Variants in ODF2L observed in about 807,000 individuals in gnomAD.
The protein encoded by ODF2L is protein BCAP.
In ODF2L, 76 loss-of-function variants were observed where a neutral mutation model predicts 86.3. That is an observed-to-expected ratio of 0.88 (90% CI 0.73 to 1.07). The LOEUF (loss-of-function observed/expected upper bound fraction) is 1.07, where lower values mean the gene tolerates loss of function less well. Ranked by LOEUF, ODF2L falls within the 50% of genes least tolerant of loss-of-function variation. The pLI is 0.00. For missense variants in ODF2L, 748 were observed against 717.4 expected (o/e 1.04, Z -0.49); for synonymous variants, 241 against 231.3 (o/e 1.04, Z -0.38).
intron 16 of ODF2L, 42 bp from the exon 16 acceptor site, chr1:86,353,026 A>G (rs1275280852): frequency 2.3e-6 from 3 of 1,291,646 alleles, no homozygotes; most frequent in East Asian, 4.7e-5. Flanking sequence ...TGCTTTCTTT[A>G]AAATATGATT....
chr1:86,387,586 T>C (rs900788042), intron 1 of ODF2L, among the ~76,000 whole-genome samples: 27 of 152,160 alleles, frequency 1.8e-4, no homozygotes, highest in African/African-American at 6.0e-4. Context: ...TTACTTCTAT[T>C]CCCAACTCAA....
At chr1:86,365,108 A>G (rs1659310680) in intron 11 of ODF2L, among the ~76,000 whole-genome samples, 1 of 152,306 alleles carries the variant, frequency 6.6e-6, no homozygotes, top group African/African-American at 2.4e-5. Context: ...TCCAAATTCT[A>G]TTCTGGCTCT....
At chr1:86,381,413 G>A (rs765585476) in intron 7 of ODF2L, among the ~76,000 whole-genome samples, 11 of 151,808 alleles carry the variant, frequency 7.2e-5, no homozygotes, top group Non-Finnish European at 1.3e-4. Flanking sequence ...CCATAAACCC[G>A]CATTATGTCC....
intron 12 of ODF2L, among the ~76,000 whole-genome samples, chr1:86,359,938 G>T (rs1187784618): frequency 6.6e-6 from 1 of 152,058 alleles, no homozygotes; most frequent in African/African-American, 2.4e-5. Flanking sequence ...AAAAATAAAG[G>T]TTTTCTATAA....
intron 1 of ODF2L, among the ~76,000 whole-genome samples, chr1:86,394,360 G>C (rs1020184542): frequency 1.3e-5 from 2 of 149,770 alleles, no homozygotes; most frequent in Non-Finnish European, 2.9e-5. Flanking sequence ...ACGTTGCAGT[G>C]AGCCGAGATC....
chr1:86,389,544 G>A (rs1661168561), intron 1 of ODF2L, among the ~76,000 whole-genome samples: 1 of 138,316 alleles, frequency 7.2e-6, no homozygotes, highest in Admixed American at 7.4e-5. Flanking sequence ...ACCCAGATCA[G>A]AGCAGAACAA....
At chr1:86,353,592 G>A (rs979352370) in intron 16 of ODF2L, among the ~76,000 whole-genome samples, 1 of 152,146 alleles carries the variant, frequency 6.6e-6, no homozygotes, top group African/African-American at 2.4e-5. Context: ...TAAGAATGCT[G>A]GGTTGGAGCC....
At chr1:86,388,523 G>A (rs891747439) in intron 1 of ODF2L, among the ~76,000 whole-genome samples, 4 of 151,798 alleles carry the variant, frequency 2.6e-5, no homozygotes, top group African/African-American at 4.8e-5. Flanking sequence ...ATAATTGAAC[G>A]AAAACATTAA....
chr1:86,348,624 T>G, downstream of ODF2L: 1 of 852,252 alleles, frequency 1.2e-6, no homozygotes. Context: ...AATCTTTACA[T>G]AAAAACCTCT....
chr1:86,352,909 G>A, exon 17 of ODF2L: 1 of 1,552,914 alleles, frequency 6.4e-7, no homozygotes. Context: ...TTCTTTCTAA[G>A]CTCAGTTTCC....
intron 11 of ODF2L, among the ~76,000 whole-genome samples, chr1:86,366,552 G>A (rs1386563836): frequency 6.7e-6 from 1 of 148,770 alleles, no homozygotes. Context: ...GCTGCAGTGA[G>A]TTCTGATCGT....
chr1:86,362,264 T>C (rs1659092135), intron 11 of ODF2L, among the ~76,000 whole-genome samples: 1 of 151,748 alleles, frequency 6.6e-6, no homozygotes. Flanking sequence ...TGACACGATC[T>C]GACTAAATTT....
chr1:86,359,743 C>T (rs973271601), intron 12 of ODF2L, among the ~76,000 whole-genome samples: 20 of 151,952 alleles, frequency 1.3e-4, no homozygotes, highest in African/African-American at 4.4e-4. Flanking sequence ...AGGCTAGTCT[C>T]GAACTCCTGA....
chr1:86,356,351 A>T (rs1389809311), intron 14 of ODF2L, 93 bp downstream of exon 13: 1 of 980,916 alleles, frequency 1.0e-6, no homozygotes, highest in Non-Finnish European at 1.5e-6. Context: ...GAATTTAAAA[A>T]TCAAGCCCTG....
intron 7 of ODF2L, among the ~76,000 whole-genome samples, chr1:86,381,513 G>A (rs1320600205): frequency 2.0e-5 from 3 of 151,992 alleles, no homozygotes; most frequent in Non-Finnish European, 4.4e-5. Flanking sequence ...ATTCAGGAGT[G>A]CAAAACCAAA....
chr1:86,362,074 C>T (rs991807330), intron 11 of ODF2L, among the ~76,000 whole-genome samples: 5 of 151,676 alleles, frequency 3.3e-5, no homozygotes, highest in Non-Finnish European at 5.9e-5. Context: ...CAGCGGGAGG[C>T]GGCCTAGCAA....
intron 3 of ODF2L, 112 bp from the exon 4 acceptor site, chr1:86,384,913 T>A: frequency 1.3e-6 from 1 of 750,318 alleles, no homozygotes; most frequent in South Asian, 3.7e-5. Flanking sequence ...CATTCTTTTG[T>A]GCATAGTAAT....
intron 1 of ODF2L, among the ~76,000 whole-genome samples, chr1:86,395,539 C>T (rs781220824): frequency 6.6e-6 from 1 of 152,160 alleles, no homozygotes; most frequent in Non-Finnish European, 1.5e-5. Context: ...CAATCCCGCA[C>T]TACAGGGGTC....
intron 14 of ODF2L, chr1:86,355,516 A>C: frequency 1.6e-6 from 1 of 620,774 alleles, no homozygotes; most frequent in Non-Finnish European, 2.9e-6. Context: ...TTTAAACTAA[A>C]ATTTTGTCTG....
Sources: allele counts gnomAD v4.1 joint callset (sites outside exome capture counted in the v4.1 genomes callset), GRCh38; gene constraint gnomAD v4.1.1; transcripts MANE v1.5; gene names NCBI Gene and HGNC (gene_info 2026-07-23, HGNC 2026-07-21).